UBE2V1: variants seen among roughly 807,000 people sequenced by gnomAD.
UBE2V1 encodes ubiquitin-conjugating enzyme E2 variant 1.
Under a neutral mutation model 19.6 loss-of-function variants are expected in UBE2V1, and 15 were observed. That is an observed-to-expected ratio of 0.77 (90% CI 0.51 to 1.18). The LOEUF is 1.18. Among genes scored for constraint, UBE2V1 ranks in the 50% most tolerant of loss-of-function variants. The pLI, the probability that UBE2V1 is intolerant of heterozygous loss-of-function variation, is 0.00. For synonymous variants in UBE2V1, 60 were observed against 60.7 expected (o/e 0.99, Z 0.05); for missense variants, 125 against 184.8 (o/e 0.68, Z 1.88).
At chr20:50,099,457 C>T (rs758861983) in intron 1 of UBE2V1, among the ~76,000 whole-genome samples, 9 of 152,222 alleles carry the variant, frequency 5.9e-5, no homozygotes, top group Non-Finnish European at 1.0e-4. Context: ...AAGATGTTAA[C>T]AGCTGTTATC....
intron 1 of UBE2V1, among the ~76,000 whole-genome samples, chr20:50,104,808 C>T (rs866290461): frequency 6.6e-6 from 1 of 152,020 alleles, no homozygotes; most frequent in South Asian, 2.1e-4. Context: ...CTCACTTCAA[C>T]CTTCACCTTC....
chr20:50,097,008 G>A (rs1162422933), intron 1 of UBE2V1, among the ~76,000 whole-genome samples, 188 bp from the exon 2 acceptor site: 1 of 152,210 alleles, frequency 6.6e-6, no homozygotes, highest in Non-Finnish European at 1.5e-5. Flanking sequence ...CCAGAGGGAA[G>A]GGGCACATGG....
At position 50,085,592 on chromosome 20, in the gene UBE2V1, G is replaced by A. The variant is rs146824754; in HGVS notation, c.172-1338C>T. On this transcript the variant is annotated intron_variant, in intron 2 of 3. Transcript: ENST00000371674. Reference sequence around the variant, plus strand: ...CTCCGGCATCCGTGCCCTCTCCTCAGGAAAGGAGTCTTGTACTGCATAATT... The same window carrying A: ...CTCCGGCATCCGTGCCCTCTCCTCAAGAAAGGAGTCTTGTACTGCATAATT... Among the ~76,000 whole-genome samples the A allele has an allele frequency of 3.9e-5, 6 of 152,262 alleles. No individual in the cohort carries two copies. The East Asian group carries it at 1.2e-3, about 29-fold the overall frequency.
rs1268635917 is a variant in UBE2V1 at position 50,096,810 on chromosome 20, G to C, written c.33C>G (p.Val11=). 6.2e-7 allele frequency: 1 copy of C among 1,613,728 alleles called. No homozygotes were observed. The highest frequency in any genetic ancestry group is 1.3e-5 in the African/African-American group (1 of 74,872). Residue 11 remains valine (V), a synonymous_variant, in exon 2 of 4, where the codon GTC becomes GTG. Transcript: ENST00000371674. MAATTGSGVK[V]PRNFRLLEEL... is the part of the protein sequence containing the mutation. ...CTTCCAACAGTCGGAAATTGCGAGG[G>C]ACTTTTACTCCTAAAATAAATGGAA...
chr20:50,113,223 G>A (rs541854768), upstream of UBE2V1: 2 of 1,045,354 alleles, frequency 1.9e-6, no homozygotes, highest in Non-Finnish European at 1.2e-6. Context: ...ACGCACATAC[G>A]CCGCCGCTGA....
intron 2 of UBE2V1, chr20:50,095,464 T>C (rs1009643826): frequency 1.3e-5 from 2 of 152,190 alleles, no homozygotes; most frequent in Admixed American, 1.3e-4. Context: ...CACAAAACTA[T>C]AGGGTCACAA....
chr20:50,087,143 C>A (rs892836346), intron 2 of UBE2V1, among the ~76,000 whole-genome samples: 12 of 151,846 alleles, frequency 7.9e-5, no homozygotes, highest in African/African-American at 2.2e-4. Flanking sequence ...CGCCTGTAAT[C>A]TCGGCATCTG....
intron 2 of UBE2V1, among the ~76,000 whole-genome samples, chr20:50,093,367 A>G (rs1407649858): frequency 6.6e-6 from 1 of 152,264 alleles, no homozygotes; most frequent in Non-Finnish European, 1.5e-5. Flanking sequence ...TAGATGCTTT[A>G]ATAATTATGT....
At chr20:50,097,751 C>T (rs931981655) in intron 1 of UBE2V1, among the ~76,000 whole-genome samples, 1 of 152,174 alleles carries the variant, frequency 6.6e-6, no homozygotes, top group Non-Finnish European at 1.5e-5. Flanking sequence ...AGTTCTCTGC[C>T]TTGAATGCTG....
At chr20:50,099,094 A>G (rs920288870) in intron 1 of UBE2V1, 2 of 368,642 alleles carry the variant, frequency 5.4e-6, no homozygotes, top group African/African-American at 4.4e-5. Flanking sequence ...GGGAAAAGTC[A>G]CTACATTACT....
intron 2 of UBE2V1, among the ~76,000 whole-genome samples, chr20:50,088,562 G>T (rs2146994139): frequency 6.6e-6 from 1 of 152,300 alleles, no homozygotes; most frequent in East Asian, 1.9e-4. Context: ...AAGACAGGAG[G>T]ACTGCGTGAG....
Position 50,081,705 on chromosome 20 carries a change from C to T in UBE2V1, c.*1063G>A, listed in dbSNP as rs1442334469. On this transcript the variant is annotated 3_prime_UTR_variant, in exon 4 of 4. Coordinates refer to ENST00000371674, the MANE Select transcript of UBE2V1 (RefSeq NM_001032288.3). ...CAAAAGCAGTTACAGGAAAGTAAAA[C>T]AATTCAGAGGGATCATGTGTGCTTA... is the stretch of plus-strand genomic sequence containing the variant. The T allele has an allele frequency of 4.9e-6, 1 of 204,682 alleles. No homozygotes were observed. Among genetic ancestry groups the T allele is most frequent in the African/African-American group, 2.3e-5 (1 of 43,068 alleles). 12.7% of individuals were successfully genotyped at this position (204,682 alleles called of 1,614,324 possible). A position where few individuals can be genotyped will look rare whatever the true frequency, so the allele number is the denominator to read the frequency against.
chr20:50,104,590 G>A (rs1187060116), intron 1 of UBE2V1, among the ~76,000 whole-genome samples: 36 of 144,764 alleles, frequency 2.5e-4, no homozygotes, highest in Admixed American at 4.9e-4. Context: ...CCCAGGGGGC[G>A]GAGCCTGCAG....
chr20:50,113,042 G>A (rs898377448), intron 1 of UBE2V1, 65 bp downstream of exon 1: 3 of 713,056 alleles, frequency 4.2e-6, no homozygotes, highest in Non-Finnish European at 6.1e-6. Context: ...GAGGCTTTGA[G>A]GGTCCCCGGC....
chr20:50,103,975 T>C (rs2080178818), intron 1 of UBE2V1, among the ~76,000 whole-genome samples: 1 of 149,682 alleles, frequency 6.7e-6, no homozygotes, highest in Admixed American at 6.6e-5. Flanking sequence ...CAATAAATGT[T>C]TGCTGGTTGA....
At chr20:50,110,310 A>AT (rs2080671879) in intron 1 of UBE2V1, among the ~76,000 whole-genome samples, 1 of 152,234 alleles carries the variant, frequency 6.6e-6, no homozygotes, top group Non-Finnish European at 1.5e-5. Context: ...TCTAAGACAT[A>AT]TGTAGATATC....
chr20:50,101,342 T>C (rs1185901698), intron 1 of UBE2V1, among the ~76,000 whole-genome samples: 1 of 152,150 alleles, frequency 6.6e-6, no homozygotes, highest in Non-Finnish European at 1.5e-5. Context: ...TTTATTTCAT[T>C]TGAACAGCAG....
chr20:50,084,265 A>C lies in UBE2V1; in HGVS notation c.172-11T>G. 6.2e-7 allele frequency: 1 copy of C among 1,608,814 alleles called. No homozygotes were observed. The highest frequency in any genetic ancestry group is 8.5e-7 in the Non-Finnish European group (1 of 1,175,978). On this transcript the variant is annotated splice_polypyrimidine_tract_variant and intron_variant, in intron 2 of 3. Transcript: ENST00000371674. The stretch of plus-strand genomic sequence containing the variant: ...GTTTTCATAAATTGTCTGGAAAAAA[A>C]GAGTACGGAGATGTCACGCAATTAC...
At chr20:50,114,665 C>T (rs554262871), upstream of UBE2V1, among the ~76,000 whole-genome samples, 1 of 152,280 alleles carries the variant, frequency 6.6e-6, no homozygotes, top group African/African-American at 2.4e-5. Flanking sequence ...GCACCAGGCT[C>T]TGCACCCAGG....
Sources: gnomAD v4.1 joint callset for allele counts (sites outside exome capture counted in the v4.1 genomes callset) on GRCh38, gnomAD v4.1.1 for gene constraint, MANE v1.5 for transcripts, NCBI Gene and HGNC (gene_info 2026-07-23, HGNC 2026-07-21) for gene names.